TBX15: variants seen among roughly 807,000 people sequenced by gnomAD.
TBX15 encodes T-box transcription factor 15.
A neutral mutation model predicts 53.9 loss-of-function variants in TBX15; 18 were observed. That is an observed-to-expected ratio of 0.33 (90% CI 0.23 to 0.49). TBX15 has a LOEUF of 0.49. TBX15 is among the 20% of genes least tolerant of loss of function. The pLI is 0.98. For synonymous variants in TBX15, 295 were observed against 278.0 expected, an observed-to-expected ratio of 1.06 and a Z score of -0.61; for missense variants, 692 against 749.5, an observed-to-expected ratio of 0.92 and a Z score of 0.90.
At chr1:118,964,745 A>C (rs1403113462) in intron 1 of TBX15, among the ~76,000 whole-genome samples, 1 of 152,254 alleles carries the variant, frequency 6.6e-6, no homozygotes, top group Non-Finnish European at 1.5e-5. Context: ...CACTGGGTCA[A>C]ATCAGCCACA....
chr1:118,951,063 A>G (rs1656496660), intron 1 of TBX15, among the ~76,000 whole-genome samples: 1 of 152,262 alleles, frequency 6.6e-6, no homozygotes, highest in South Asian at 2.1e-4. Context: ...TACACAATTC[A>G]GATGCCATGT....
chr1:118,902,113 A>G (rs1654651157), intron 6 of TBX15, among the ~76,000 whole-genome samples: 1 of 152,054 alleles, frequency 6.6e-6, no homozygotes, highest in Non-Finnish European at 1.5e-5. Context: ...CCTATAATAT[A>G]TATTATCCTA....
chr1:118,945,683 C>T (rs1041493761), intron 1 of TBX15, among the ~76,000 whole-genome samples: 2 of 152,076 alleles, frequency 1.3e-5, no homozygotes, highest in Admixed American at 1.3e-4. Context: ...GATTATTTTC[C>T]CCCCCTACTG....
chr1:118,896,837 C>T (rs1188404915), intron 7 of TBX15, among the ~76,000 whole-genome samples: 2 of 152,076 alleles, frequency 1.3e-5, no homozygotes, highest in Non-Finnish European at 2.9e-5. Context: ...GTTTTACATC[C>T]TTTGTTAACG....
At chr1:118,908,669 C>T (rs1365678970) in intron 6 of TBX15, among the ~76,000 whole-genome samples, 1 of 152,054 alleles carries the variant, frequency 6.6e-6, no homozygotes, top group African/African-American at 2.4e-5. Context: ...CAAAATCTGT[C>T]AGTGATTTCA....
chr1:118,949,184 A>G (rs1224048106), intron 1 of TBX15, among the ~76,000 whole-genome samples: 2 of 152,210 alleles, frequency 1.3e-5, no homozygotes, highest in Non-Finnish European at 2.9e-5. Context: ...TATGCATTAC[A>G]TATTTATTAT....
intron 1 of TBX15, among the ~76,000 whole-genome samples, chr1:118,963,950 T>A (rs1656958411): frequency 6.6e-6 from 1 of 152,174 alleles, no homozygotes; most frequent in Non-Finnish European, 1.5e-5. Flanking sequence ...AGAAGCCATA[T>A]GGAGAAGAAC....
chr1:118,905,136 T>C (rs1040755475), intron 6 of TBX15, among the ~76,000 whole-genome samples: 66 of 152,342 alleles, frequency 4.3e-4, no homozygotes, highest in African/African-American at 1.6e-3. Context: ...CTTACTTCAC[T>C]GAAATCCAAA....
intron 6 of TBX15, among the ~76,000 whole-genome samples, chr1:118,900,460 G>T (rs1654589324): frequency 6.6e-6 from 1 of 152,174 alleles, no homozygotes. Context: ...CTGATACGCT[G>T]ATTGACTCTT....
rs376544041 is a variant in TBX15 at position 118,987,950 on chromosome 1, C to A, written c.-155G>T. ...GGCTCGCGGGTCTCTCCACCCTCCC[C>A]CTGCGTCCTCCTCCGCCCTCCTCTG... On this transcript the variant is annotated 5_prime_UTR_variant, in exon 1 of 8. Coordinates refer to ENST00000369429, the MANE Select transcript of TBX15 (RefSeq NM_001330677.2). The A allele has an allele frequency of 2.3e-6, 2 of 869,716 alleles. No individual in the cohort carries two copies. The highest frequency in any genetic ancestry group is 2.7e-5 in the East Asian group (1 of 37,442). 53.9% of individuals were successfully genotyped at this position (869,716 alleles called of 1,614,324 possible).
intron 6 of TBX15, among the ~76,000 whole-genome samples, chr1:118,907,808 T>C (rs1285674270): frequency 1.3e-5 from 2 of 152,190 alleles, no homozygotes; most frequent in Admixed American, 1.3e-4. Flanking sequence ...CTGGGTGTCC[T>C]TTCTCAACCA....
chr1:118,907,721 C>T (rs1654885385), intron 6 of TBX15, among the ~76,000 whole-genome samples: 1 of 152,174 alleles, frequency 6.6e-6, no homozygotes, highest in Non-Finnish European at 1.5e-5. Flanking sequence ...GCTTCAGGAT[C>T]TTTGTCTTCT....
intron 1 of TBX15, among the ~76,000 whole-genome samples, chr1:118,950,766 C>T (rs1179917487): frequency 1.3e-5 from 2 of 152,148 alleles, no homozygotes; most frequent in African/African-American, 4.8e-5. Context: ...GTTTCAAAGA[C>T]CATCACAAAA....
chr1:118,925,456 C>T (rs959416732), intron 3 of TBX15, among the ~76,000 whole-genome samples: 2 of 152,148 alleles, frequency 1.3e-5, no homozygotes, highest in African/African-American at 2.4e-5. Flanking sequence ...TTGATGAACC[C>T]GTTTTGAACA....
Position 118,988,072 on chromosome 1 carries a change from C to T in TBX15, c.-277G>A. 1 of 533,930 alleles carries T rather than the reference C, an allele frequency of 1.9e-6. No individual in the cohort carries two copies. The highest frequency in any genetic ancestry group is 3.3e-6 in the Non-Finnish European group (1 of 301,778). The allele number at this position is 533,930 out of a possible 1,614,324, so 33.1% of individuals were successfully genotyped here. ...GCATGAGCGCCCGAGTCCTGCTTCC[C>T]ACCCACCGGGGCAGGCGCTCACAGA... On this transcript the variant is annotated 5_prime_UTR_variant, in exon 1 of 8. Transcript: ENST00000369429.
chr1:118,904,403 T>C (rs2101529347), intron 6 of TBX15, among the ~76,000 whole-genome samples: 2 of 152,300 alleles, frequency 1.3e-5, no homozygotes, highest in South Asian at 4.1e-4. Context: ...AGGAATGTTA[T>C]TGTCCAGGGA....
upstream of TBX15, among the ~76,000 whole-genome samples, chr1:118,988,544 G>A (rs1657924646): frequency 6.6e-6 from 1 of 152,168 alleles, no homozygotes; most frequent in Admixed American, 6.5e-5. Context: ...GTTACTCCAA[G>A]AGGGAGGTAG....
chr1:118,925,835 A>G (rs1655578274), intron 3 of TBX15, among the ~76,000 whole-genome samples: 1 of 152,110 alleles, frequency 6.6e-6, no homozygotes, highest in Non-Finnish European at 1.5e-5. Context: ...AAGTTGTTAG[A>G]CTTCAGATAT....
chr1:118,892,846 A>G (rs2101465219), intron 7 of TBX15, among the ~76,000 whole-genome samples: 1 of 152,312 alleles, frequency 6.6e-6, no homozygotes, highest in African/African-American at 2.4e-5. Flanking sequence ...CTTCAAGGTC[A>G]TTTTACTCAC....
Sources: allele counts gnomAD v4.1 joint callset (sites outside exome capture counted in the v4.1 genomes callset), GRCh38; gene constraint gnomAD v4.1.1; transcripts MANE v1.5; gene names NCBI Gene and HGNC (gene_info 2026-07-23, HGNC 2026-07-21).